TRIM45: variants seen among roughly 807,000 people sequenced by gnomAD.
TRIM45 encodes tripartite motif containing 45, also known as E3 ubiquitin-protein ligase TRIM45.
TRIM45 carries 45 observed loss-of-function variants against 46.7 expected under a neutral mutation model. The observed-to-expected ratio is 0.96, with a 90% CI of 0.76 to 1.24. The LOEUF is 1.24. TRIM45 is among the 50% of genes most tolerant of loss of function. The pLI is 0.00. For missense variants in TRIM45, 680 were observed against 728.4 expected, an observed-to-expected ratio of 0.93 and a Z score of 0.77; for synonymous variants, 259 against 285.8, an observed-to-expected ratio of 0.91 and a Z score of 0.94.
chr1:117,122,851 T>C (rs760963817), upstream of TRIM45, among the ~76,000 whole-genome samples: 2 of 152,204 alleles, frequency 1.3e-5, no homozygotes, highest in Non-Finnish European at 2.9e-5. Flanking sequence ...TGTTGTTATC[T>C]CCAGTTGCGT....
At position 117,113,196 on chromosome 1, in the gene TRIM45, T is replaced by A. The variant is rs1650283903; in HGVS notation, c.1594+163A>T. Among the ~76,000 whole-genome samples the A allele has an allele frequency of 2.0e-5, 3 of 152,210 alleles. No homozygotes were observed. Among genetic ancestry groups the A allele is most frequent in the Non-Finnish European group, 4.4e-5 (3 of 68,034 alleles). ...TATTTCAATTCAGAACAAGGAAGCT[T>A]TAAGTGACACTTTTAGAACAGTGGT... On this transcript the variant is annotated intron_variant, in intron 5 of 5. Transcript: ENST00000256649. The surrounding 1 kb of genome is among the most constrained non-coding windows in gnomAD (Gnocchi z 4.0).
rs1217151696 is a variant in TRIM45 at position 117,116,969 on chromosome 1, TGGACCTTACCTTCAGTCCTA to T, written c.1223-244_1223-225del. ...AGCTGCTTTGGATCACACAGGATCCTGGACCTTACCTTCAGTCCTAGGACTGAAGGTCCTATGCTTTAAAA... is the reference window on the plus strand; with the variant it reads ...AGCTGCTTTGGATCACACAGGATCCTGGACTGAAGGTCCTATGCTTTAAAA... On this transcript the variant is annotated intron_variant, in intron 2 of 5. Transcript: ENST00000256649. The surrounding 1 kb of genome is among the most constrained non-coding windows in gnomAD (Gnocchi z 4.6). 6.6e-6 allele frequency among the ~76,000 whole-genome samples: 1 copy of T among 152,122 alleles called. No individual in the cohort carries two copies.
In TRIM45 at chr1:117,111,558, G is replaced by T. The variant is rs969373363; in HGVS notation, c.*747C>A. ...ACATGTACCAGTAAATCCAATGAAA[G>T]TATGCTAACAAAAAGTGGACAGGAT... On this transcript the variant is annotated 3_prime_UTR_variant, in exon 6 of 6. Transcript: ENST00000256649. The T allele has an allele frequency of 6.6e-6, 1 of 152,168 alleles. No homozygotes were observed. Among genetic ancestry groups the T allele is most frequent in the Non-Finnish European group, 1.5e-5 (1 of 68,048 alleles). 9.4% of individuals were successfully genotyped at this position (152,168 alleles called of 1,614,324 possible).
In TRIM45 at chr1:117,113,339, G is replaced by A. The variant is rs1650288516; in HGVS notation, c.1594+20C>T. 2 of 1,611,442 alleles carry A rather than the reference G, an allele frequency of 1.2e-6. No individual in the cohort carries two copies. Among genetic ancestry groups the A allele is most frequent in the South Asian group, 1.1e-5 (1 of 90,906 alleles). The stretch of plus-strand genomic sequence containing the variant: ...CCCACTGCTGGCAGAAAGGCCCAGA[G>A]GGTAGTGCTTTCTCCTTACCTGGCA... On this transcript the variant is annotated intron_variant, in intron 5 of 5. Transcript: ENST00000256649. The surrounding 1 kb of genome is among the most constrained non-coding windows in gnomAD (Gnocchi z 4.0).
Position 117,113,631 on chromosome 1 carries a change from A to C in TRIM45, c.1468-146T>G. 1.8e-6 allele frequency: 2 copies of C among 1,112,102 alleles called. No homozygotes were observed. Among genetic ancestry groups the C allele is most frequent in the South Asian group, 1.7e-5 (1 of 60,320 alleles). The allele number at this position is 1,112,102 out of a possible 1,614,324, so 68.9% of individuals were successfully genotyped here. A position where few individuals can be genotyped will look rare whatever the true frequency, so the allele number is the denominator to read the frequency against. The stretch of plus-strand genomic sequence containing the variant: ...ACAGGAAAGAAACAGATTAGAGGAC[A>C]AGAACCCTGCTCAGCTGAGAGGAGG... On this transcript the variant is annotated intron_variant, in intron 4 of 5. Transcript: ENST00000256649. The surrounding 1 kb of genome is among the most constrained non-coding windows in gnomAD (Gnocchi z 4.0).
chr1:117,113,419 T>C lies in TRIM45; in HGVS notation c.1534A>G (p.Thr512Ala), dbSNP rs1187955380. The C allele has an allele frequency of 6.2e-7, 1 of 1,612,486 alleles. No homozygotes were observed. The highest frequency in any genetic ancestry group is 2.2e-5 in the East Asian group (1 of 44,878). ...TTCTGGCCCCCGCTGGAGCAGAAGG[T>C]GCAGCAGTGAAACACGCCTGAGTGT... is the stretch of plus-strand genomic sequence containing the variant. Reference protein sequence around the residue: ...RPHSGVFHCCTFCSSGGQKTA... With the variant: ...RPHSGVFHCCAFCSSGGQKTA... The change falls in exon 5 of 6, where the codon ACC (threonine) becomes GCC (alanine). Residue 512 changes from threonine to alanine, a missense_variant. Thr to Ala is a moderately conservative substitution (Grantham distance 58). Around this residue, in one of 3 missense-constraint regions of TRIM45, gnomAD observed 322 missense variants for 359.3 expected, o/e 0.90. Transcript: ENST00000256649. This position sits in a 1 kb window ranked among gnomAD's most constrained non-coding sequence, Gnocchi z 4.0.
Position 117,120,752 on chromosome 1 carries a change from G to T in TRIM45, c.450C>A (p.Cys150Ter), listed in dbSNP as rs1194820690. 6.2e-7 allele frequency: 1 copy of T among 1,613,054 alleles called. No homozygotes were observed. The highest frequency in any genetic ancestry group is 8.5e-7 in the Non-Finnish European group (1 of 1,179,298). ...AGCAGAAGTGGCAGAGGTTGGCTTT[G>T]CAGGTCTGACACCTCTTCTCTACTT... ...DREVEKRCQT[C>*]KANLCHFCCQ... The change falls in exon 1 of 6, where the codon TGC (cysteine) becomes TGA (stop). Residue 150 changes from cysteine to a stop codon, truncating the protein, a stop_gained. Transcript: ENST00000256649. LOFTEE classifies it high-confidence loss of function.
intron 5 of TRIM45, among the ~76,000 whole-genome samples, chr1:117,112,702 C>T (rs1288728797): frequency 6.6e-6 from 1 of 152,058 alleles, no homozygotes; most frequent in East Asian, 1.9e-4. Flanking sequence ...GAACTTACCA[C>T]CTGAAGGAGG....
Position 117,118,731 on chromosome 1 carries a change from G to T in TRIM45, c.525C>A (p.Asp175Glu), listed in dbSNP as rs1650510128. 6.2e-7 allele frequency: 1 copy of T among 1,613,320 alleles called. No individual in the cohort carries two copies. Among genetic ancestry groups the T allele is most frequent in the Non-Finnish European group, 8.5e-7 (1 of 1,180,040 alleles). ...QKKTTYHTMVDLKDLKGYSRI... is the reference protein window; with the variant it reads ...QKKTTYHTMVELKDLKGYSRI... ...GGCTGTAGCCTTTCAAGTCTTTTAG[G>T]TCCACCATGGTGTGGTAAGTCGTTT... The change falls in exon 2 of 6, where the codon GAC becomes GAA. Residue 175 changes from aspartate (D) to glutamate (E), a missense_variant. Physicochemically the swap from Asp to Glu is conservative, Grantham distance 45 (BLOSUM62 2). This residue lies in a region of TRIM45 where 349 missense variants were observed against 343.6 expected (regional missense o/e 1.02). Coordinates refer to ENST00000256649, the MANE Select transcript of TRIM45 (RefSeq NM_025188.4). This position sits in a 1 kb window ranked among gnomAD's most constrained non-coding sequence, Gnocchi z 5.7.
At chr1:117,121,984 G>A (rs1379991093), upstream of TRIM45, 13 of 605,798 alleles carry the variant, frequency 2.1e-5, no homozygotes, top group Non-Finnish European at 3.9e-5. The surrounding 1 kb of genome is among the most constrained non-coding windows in gnomAD (Gnocchi z 4.2). Flanking sequence ...AAAGGCCAAG[G>A]CTCGGAGCGA....
In TRIM45 at chr1:117,116,614, AC is replaced by A. The variant is rs1209182188; in HGVS notation, c.1352+1del. The A allele has an allele frequency of 6.8e-6, 11 of 1,613,192 alleles. No individual in the cohort carries two copies. Among genetic ancestry groups the A allele is most frequent in the Non-Finnish European group, 9.3e-6 (11 of 1,179,806 alleles). On this transcript the variant is annotated splice_donor_variant, in intron 3 of 5. Transcript: ENST00000256649. LOFTEE classifies it high-confidence loss of function. The surrounding 1 kb of genome is among the most constrained non-coding windows in gnomAD (Gnocchi z 4.6). ...CATGACACCTAATTGTGTCATACAA[AC>A]CTGTCTTTCTTATCTTTAGGGACAA...
intron 4 of TRIM45, among the ~76,000 whole-genome samples, chr1:117,114,527 G>A (rs115994116): frequency 0.014 from 2,126 of 152,254 alleles, 20 homozygotes; most frequent in South Asian, 0.056. Flanking sequence ...TTGCGAAAAC[G>A]CAAAACAGAG....
chr1:117,115,543 G>A lies in TRIM45; in HGVS notation c.1467+32C>T. ...CAGATCCTAAGACAGTAGAATCCAG[G>A]GAGCTCAGGGAAGCACGTGCACCAG... On this transcript the variant is annotated intron_variant, in intron 4 of 5. Coordinates refer to ENST00000256649, the MANE Select transcript of TRIM45 (RefSeq NM_025188.4). The surrounding 1 kb of genome is among the most constrained non-coding windows in gnomAD (Gnocchi z 4.2). 2 of 1,455,442 alleles carry A rather than the reference G, an allele frequency of 1.4e-6. No individual in the cohort carries two copies. The highest frequency in any genetic ancestry group is 1.7e-4 in the Middle Eastern group (1 of 5,738). The allele number at this position is 1,455,442 out of a possible 1,614,324, so 90.2% of individuals were successfully genotyped here. A position where few individuals can be genotyped will look rare whatever the true frequency, so the allele number is the denominator to read the frequency against.
chr1:117,116,413 T>A lies in TRIM45; in HGVS notation c.1352+203A>T, dbSNP rs1371728921. Among the ~76,000 whole-genome samples the A allele has an allele frequency of 6.6e-6, 1 of 151,798 alleles. No homozygotes were observed. Among genetic ancestry groups the A allele is most frequent in the African/African-American group, 2.4e-5 (1 of 41,318 alleles). The stretch of plus-strand genomic sequence containing the variant: ...CACTCCCGGCTAATTTTTTTTTTTT[T>A]AATTTTGTAGAGACAGGGTGTCCCT... On this transcript the variant is annotated intron_variant, in intron 3 of 5. Transcript: ENST00000256649. This position sits in a 1 kb window ranked among gnomAD's most constrained non-coding sequence, Gnocchi z 4.6.
At chr1:117,120,533 T>C (rs1039572704) in intron 1 of TRIM45, among the ~76,000 whole-genome samples, 181 bp downstream of exon 1, 2 of 152,244 alleles carry the variant, frequency 1.3e-5, no homozygotes, top group Admixed American at 1.3e-4. Flanking sequence ...TTAGGTACTA[T>C]ATTAGGCTAA....
intron 5 of TRIM45, 68 bp from the exon 6 acceptor site, chr1:117,112,521 A>T: frequency 6.9e-7 from 1 of 1,439,428 alleles, no homozygotes; most frequent in Non-Finnish European, 9.3e-7. Context: ...TACCATTATC[A>T]TGGAAATTAG....
In TRIM45 at chr1:117,111,349, T is replaced by C. The variant is rs1265447291; in HGVS notation, c.*956A>G. ...AGGATGAAGGTGTCTAGATTTTCTG[T>C]ATAAGTAGAACTGTAATAAATGTAT... is the stretch of plus-strand genomic sequence containing the variant. On this transcript the variant is annotated 3_prime_UTR_variant, in exon 6 of 6. Transcript: ENST00000256649. 2 of 152,230 alleles carry C rather than the reference T, an allele frequency of 1.3e-5. No homozygotes were observed. Among genetic ancestry groups the C allele is most frequent in the Admixed American group, 6.5e-5 (1 of 15,288 alleles). 9.4% of individuals were successfully genotyped at this position (152,230 alleles called of 1,614,324 possible). A position where few individuals can be genotyped will look rare whatever the true frequency, so the allele number is the denominator to read the frequency against.
chr1:117,121,359 G>C lies in TRIM45; in HGVS notation c.-158C>G. 1.2e-6 allele frequency: 1 copy of C among 854,536 alleles called. No individual in the cohort carries two copies. Among genetic ancestry groups the C allele is most frequent in the Non-Finnish European group, 1.8e-6 (1 of 569,464 alleles). The allele number at this position is 854,536 out of a possible 1,614,324, so 52.9% of individuals were successfully genotyped here. On this transcript the variant is annotated 5_prime_UTR_variant, in exon 1 of 6. Coordinates refer to ENST00000256649, the MANE Select transcript of TRIM45 (RefSeq NM_025188.4). The surrounding 1 kb of genome is among the most constrained non-coding windows in gnomAD (Gnocchi z 4.2). ...AATAAAAGGGCAGACGGGAAGACGA[G>C]GCGTCCTCGAAGGAATCACCCACAG... is the stretch of plus-strand genomic sequence containing the variant.
chr1:117,117,705 C>A lies in TRIM45; in HGVS notation c.1222+329G>T, dbSNP rs1486171440. Among the ~76,000 whole-genome samples, 6 of 152,204 alleles carry A rather than the reference C, an allele frequency of 3.9e-5. No individual in the cohort carries two copies. The highest frequency in any genetic ancestry group is 1.4e-4 in the African/African-American group (6 of 41,444). On this transcript the variant is annotated intron_variant, in intron 2 of 5. Coordinates refer to ENST00000256649, the MANE Select transcript of TRIM45 (RefSeq NM_025188.4). The surrounding 1 kb of genome is among the most constrained non-coding windows in gnomAD (Gnocchi z 4.9). ...TCCTCTCTGAGCAGGCAGAATTTCA[C>A]CTGGCCCTAGTCACTGCTGTTACCT...
Sources: allele counts gnomAD v4.1 joint callset (sites outside exome capture counted in the v4.1 genomes callset), GRCh38; gene constraint gnomAD v4.1.1; regional missense constraint gnomAD v4.1.1; non-coding constraint Gnocchi (gnomAD v3.1); transcripts MANE v1.5; gene names NCBI Gene and HGNC (gene_info 2026-07-23, HGNC 2026-07-21).